The following TGS1 variants were observed in gnomAD, a reference collection of about 807,000 sequenced individuals.
TGS1 encodes the protein trimethylguanosine synthase.
TGS1 carries 69 observed loss-of-function variants against 92.2 expected under a neutral mutation model. The observed-to-expected ratio is 0.75, with a 90% confidence interval of 0.62 to 0.91. TGS1 has a LOEUF of 0.91. TGS1 is among the 40% of genes least tolerant of loss of function. The pLI is 0.00. For synonymous variants in TGS1, 345 were observed against 338.1 expected (o/e 1.02, Z -0.22); for missense variants, 1,062 against 1,001.2 (o/e 1.06, Z -0.82).
At chr8:55,809,448 T>A (rs1803281590) in intron 10 of TGS1, among the ~76,000 whole-genome samples, 1 of 135,550 alleles carries the variant, frequency 7.4e-6, no homozygotes, top group African/African-American at 2.7e-5. Context: ...TTAACATTTG[T>A]CAGCATTTTT....
intron 11 of TGS1, among the ~76,000 whole-genome samples, chr8:55,812,361 C>G (rs1803361451): frequency 1.3e-5 from 2 of 151,938 alleles, no homozygotes; most frequent in African/African-American, 4.8e-5. Flanking sequence ...AACCCCATCT[C>G]TACTAAAAAT....
At chr8:55,802,872 G>A (rs1050834416) in intron 9 of TGS1, among the ~76,000 whole-genome samples, 1 of 152,074 alleles carries the variant, frequency 6.6e-6, no homozygotes, top group Non-Finnish European at 1.5e-5. Flanking sequence ...GTTTAAAATA[G>A]TGAATTATCA....
intron 8 of TGS1, 24 bp from the exon 9 acceptor site, chr8:55,802,433 T>C: frequency 1.2e-6 from 2 of 1,602,704 alleles, no homozygotes; most frequent in South Asian, 2.2e-5. Flanking sequence ...AGTGAGCATC[T>C]ATATTCTTTG....
intron 1 of TGS1, among the ~76,000 whole-genome samples, chr8:55,777,814 C>T (rs1811442392): frequency 1.3e-5 from 2 of 152,096 alleles, no homozygotes; most frequent in South Asian, 2.1e-4. Context: ...GGATTACATG[C>T]GTGTGGCTAC....
At position 55,785,910 on chromosome 8, in the gene TGS1, T is replaced by C. The variant is rs748111669; in HGVS notation, c.339+19T>C. 5.1e-6 allele frequency: 8 copies of C among 1,560,506 alleles called. No individual in the cohort carries two copies. The East Asian group carries it at 9.0e-5, about 18-fold the overall frequency. ...TTTTGAGGTAAATATTAATTTACTT[T>C]TATTATTTCTCTCTCTTCGTTTTCT... On this transcript the variant is annotated intron_variant, in intron 3 of 12. Transcript: ENST00000260129.
intron 12 of TGS1, among the ~76,000 whole-genome samples, chr8:55,813,357 A>AT (rs1264639228): frequency 6.6e-6 from 1 of 152,248 alleles, no homozygotes; most frequent in Non-Finnish European, 1.5e-5. Flanking sequence ...GACTAGACAT[A>AT]TTGAAAGGAT....
At chr8:55,814,525 C>T (rs189408276) in intron 12 of TGS1, among the ~76,000 whole-genome samples, 35 of 151,330 alleles carry the variant, frequency 2.3e-4, no homozygotes, top group Admixed American at 4.0e-4. Context: ...TGTGTTATAC[C>T]AGTTATAAGA....
intron 10 of TGS1, among the ~76,000 whole-genome samples, chr8:55,808,100 A>T (rs1212340543): frequency 6.6e-6 from 1 of 152,196 alleles, no homozygotes; most frequent in African/African-American, 2.4e-5. Context: ...TTACCATTAC[A>T]TAGATTTTTA....
intron 6 of TGS1, among the ~76,000 whole-genome samples, chr8:55,793,763 TTTATTTATTTA>T (rs1811956862): frequency 1.4e-5 from 2 of 148,016 alleles, no homozygotes; most frequent in African/African-American, 5.2e-5. Context: ...TATTTATTTA[TTTATTTATTTA>T]TTTTTTAATT....
Position 55,773,568 on chromosome 8 carries a change from G to T in TGS1, c.-51G>T. The T allele has an allele frequency of 8.8e-6, 13 of 1,473,070 alleles. No individual in the cohort carries two copies. Among genetic ancestry groups the T allele is most frequent in the South Asian group, 1.2e-5 (1 of 84,814 alleles). 91.2% of individuals were successfully genotyped at this position (1,473,070 alleles called of 1,614,324 possible). On this transcript the variant is annotated 5_prime_UTR_variant, in exon 1 of 13. Coordinates refer to ENST00000260129, the MANE Select transcript of TGS1 (RefSeq NM_024831.8). ...GTCTCCAGTAACCGAGCGGAGGCCC[G>T]GCAGGCGCGACCCGGGCTGCGTACG... is the stretch of plus-strand genomic sequence containing the variant.
Position 55,790,330 on chromosome 8 carries a change from C to T in TGS1, c.1280+31C>T, listed in dbSNP as rs146279203. The T allele has an allele frequency of 2.3e-5, 33 of 1,434,726 alleles. 1 individual carries two copies. Among genetic ancestry groups the T allele is most frequent in the Admixed American group, 8.4e-5 (5 of 59,388 alleles). 88.9% of individuals were successfully genotyped at this position (1,434,726 alleles called of 1,614,324 possible). A position where few individuals can be genotyped will look rare whatever the true frequency, so the allele number is the denominator to read the frequency against. ...TTACATGAGACCCCTCTCACCAGAGCGTGTTAGAGTAAGCATTTGTATGCA... is the reference window on the plus strand; with the variant it reads ...TTACATGAGACCCCTCTCACCAGAGTGTGTTAGAGTAAGCATTTGTATGCA... On this transcript the variant is annotated intron_variant, in intron 5 of 12. Coordinates refer to ENST00000260129, the MANE Select transcript of TGS1 (RefSeq NM_024831.8).
Position 55,786,609 on chromosome 8 carries a change from G to A in TGS1, c.711G>A (p.Trp237Ter). The change falls in exon 4 of 13, where the codon TGG (tryptophan) becomes TGA (stop). Residue 237 changes from tryptophan (W) to a stop codon, truncating the protein, a stop_gained. Coordinates refer to ENST00000260129, the MANE Select transcript of TGS1 (RefSeq NM_024831.8). LOFTEE classifies it high-confidence loss of function. ...ACTTTCCTGATACAAAGGAAGAATG[G>A]GAGCAACATTATAGTCAACTTTATT... The part of the protein sequence containing the change: ...PWNFPDTKEE[W>*]EQHYSQLYWY... 1.2e-6 allele frequency: 2 copies of A among 1,614,136 alleles called. No homozygotes were observed. The highest frequency in any genetic ancestry group is 2.2e-5 in the East Asian group (1 of 44,876).
Position 55,786,457 on chromosome 8 carries a change from A to G in TGS1, c.559A>G (p.Thr187Ala). Residue 187 changes from threonine (T) to alanine (A), a missense_variant, in exon 4 of 13, where the codon ACA becomes GCA. By Grantham distance (58) the Thr-to-Ala change is moderately conservative. Transcript: ENST00000260129. Reference sequence around the variant, plus strand: ...GACAGAAAATCCTCCAGTTGAAAACACATTATCTCCAAAGCTAGAAATTAC... The same window carrying G: ...GACAGAAAATCCTCCAGTTGAAAACGCATTATCTCCAAAGCTAGAAATTAC... ...TETENPPVENTLSPKLEITEK... is the reference protein window; with the variant it reads ...TETENPPVENALSPKLEITEK... 1 of 1,614,060 alleles carries G rather than the reference A, an allele frequency of 6.2e-7. No homozygotes were observed. Among genetic ancestry groups the G allele is most frequent in the Non-Finnish European group, 8.5e-7 (1 of 1,179,970 alleles).
intron 1 of TGS1, among the ~76,000 whole-genome samples, chr8:55,778,285 C>T (rs1051306515): frequency 3.3e-5 from 5 of 152,046 alleles, no homozygotes; most frequent in Admixed American, 1.3e-4. Flanking sequence ...AAAAAAATCA[C>T]ATAGCCAGTA....
chr8:55,790,315 C>T lies in TGS1; in HGVS notation c.1280+16C>T. The T allele has an allele frequency of 1.3e-6, 2 of 1,531,760 alleles. No homozygotes were observed. Among genetic ancestry groups the T allele is most frequent in the Non-Finnish European group, 1.8e-6 (2 of 1,105,312 alleles). The allele number at this position is 1,531,760 out of a possible 1,614,324, so 94.9% of individuals were successfully genotyped here. A position where few individuals can be genotyped will look rare whatever the true frequency, so the allele number is the denominator to read the frequency against. ...TGAAGAGGAGGTAAGTTACATGAGA[C>T]CCCTCTCACCAGAGCGTGTTAGAGT... On this transcript the variant is annotated intron_variant, in intron 5 of 12. Transcript: ENST00000260129.
intron 8 of TGS1, among the ~76,000 whole-genome samples, chr8:55,801,966 G>A (rs986980872): frequency 9.2e-5 from 14 of 152,224 alleles, no homozygotes; most frequent in Non-Finnish European, 1.2e-4. Context: ...AGGCCAAGGC[G>A]GGTGGATCAC....
At chr8:55,805,139 ATAAT>A in intron 10 of TGS1, 103 bp downstream of exon 10, 2 of 762,892 alleles carry the variant, frequency 2.6e-6, no homozygotes, top group Non-Finnish European at 3.9e-6. Context: ...TATATAATTA[ATAAT>A]TTAATATGAA....
chr8:55,782,695 C>G, intron 1 of TGS1, 53 bp from the exon 2 acceptor site: 3 of 1,423,618 alleles, frequency 2.1e-6, no homozygotes, highest in South Asian at 2.6e-5. Context: ...TTCTTTCCCT[C>G]TAAACTGATG....
intron 9 of TGS1, among the ~76,000 whole-genome samples, chr8:55,803,771 AACCTCC>A (rs947873724): frequency 1.3e-5 from 2 of 150,714 alleles, no homozygotes; most frequent in Admixed American, 6.6e-5. Flanking sequence ...TTGGCTCAGC[AACCTCC>A]ACCTCCCAGG....
Sources: gnomAD v4.1 joint callset for allele counts (sites outside exome capture counted in the v4.1 genomes callset) on GRCh38, gnomAD v4.1.1 for gene constraint, MANE v1.5 for transcripts, NCBI Gene and HGNC (gene_info 2026-07-23, HGNC 2026-07-21) for gene names.